The following RWDD4 variants were observed in gnomAD, a reference collection of about 807,000 sequenced individuals.
RWDD4 encodes RWD domain-containing protein 4.
RWDD4 carries 16 observed loss-of-function variants against 30.0 expected under a neutral mutation model. The ratio of observed to expected loss-of-function variants is 0.53; its 90% CI spans 0.36 to 0.81. The LOEUF (loss-of-function observed/expected upper bound fraction) is 0.81, where lower values mean the gene tolerates loss of function less well. Ranked by LOEUF, RWDD4 falls within the 30% of genes least tolerant of loss-of-function variation. The probability of loss-of-function intolerance (pLI) is 0.00; values close to 1 mark genes in which losing one functional copy is unlikely to be tolerated. For synonymous variants in RWDD4, 45 were observed against 72.1 expected (o/e 0.62, Z 1.90); for missense variants, 170 against 223.9 (o/e 0.76, Z 1.54).
intron 7 of RWDD4, among the ~76,000 whole-genome samples, chr4:183,643,218 G>C (rs1733899067): frequency 6.7e-6 from 1 of 148,242 alleles, no homozygotes; most frequent in African/African-American, 2.5e-5. Context: ...CTTGAGGTCA[G>C]GAGTTTGTGA....
At chr4:183,657,220 C>A (rs1734213087) in intron 1 of RWDD4, among the ~76,000 whole-genome samples, 2 of 152,142 alleles carry the variant, frequency 1.3e-5, no homozygotes, top group Admixed American at 6.5e-5. Flanking sequence ...CCAGGCTCCA[C>A]AGGTTTCTCT....
intron 7 of RWDD4, 50 bp from the exon 8 acceptor site, chr4:183,641,518 A>C: frequency 7.1e-7 from 1 of 1,416,710 alleles, no homozygotes; most frequent in Non-Finnish European, 9.9e-7. Context: ...TTCTGAGTTC[A>C]CTATTTCCAT....
chr4:183,651,704 A>T (rs1234901705), intron 2 of RWDD4, among the ~76,000 whole-genome samples: 1 of 152,210 alleles, frequency 6.6e-6, no homozygotes, highest in Non-Finnish European at 1.5e-5. Context: ...CACAAACTCG[A>T]CACACCTCAT....
At chr4:183,653,805 A>G (rs1184357807) in intron 2 of RWDD4, 1 of 152,274 alleles carries the variant, frequency 6.6e-6, no homozygotes, top group Non-Finnish European at 1.5e-5. Flanking sequence ...GGAATAAATT[A>G]TCACATGCCT....
intron 1 of RWDD4, among the ~76,000 whole-genome samples, chr4:183,657,454 T>C (rs976673465): frequency 6.6e-6 from 1 of 152,208 alleles, no homozygotes; most frequent in Non-Finnish European, 1.5e-5. Context: ...CAGTGAATAA[T>C]GCTGATGGCT....
chr4:183,643,688 G>A (rs574170220), intron 7 of RWDD4, among the ~76,000 whole-genome samples: 3 of 152,090 alleles, frequency 2.0e-5, no homozygotes, highest in East Asian at 1.9e-4. Context: ...AGGCCAAGGC[G>A]GGTGGATCAC....
intron 2 of RWDD4, among the ~76,000 whole-genome samples, chr4:183,652,303 G>A (rs1200798415): frequency 6.7e-6 from 1 of 150,180 alleles, no homozygotes; most frequent in Non-Finnish European, 1.5e-5. Context: ...GACTGCACGA[G>A]TTGTTATGCC....
intron 2 of RWDD4, 48 bp downstream of exon 2, chr4:183,655,833 G>T: frequency 1.8e-6 from 2 of 1,110,706 alleles, no homozygotes; most frequent in Non-Finnish European, 2.7e-6. Context: ...GCCACTTTCA[G>T]TCTTTTCTAG....
At chr4:183,646,276 C>T (rs1383739999) in intron 7 of RWDD4, 75 bp downstream of exon 7, 10 of 759,652 alleles carry the variant, frequency 1.3e-5, no homozygotes, top group East Asian at 2.4e-5. Flanking sequence ...TTTTCCATTA[C>T]TTAAAAAAAA....
chr4:183,649,412 CA>C (rs768772987), intron 5 of RWDD4, 38 bp downstream of exon 5: 141 of 1,367,414 alleles, frequency 1.0e-4, no homozygotes, highest in East Asian at 1.6e-4. Flanking sequence ...GAGACTCTGT[CA>C]AAAAAAAGAA....
chr4:183,652,384 A>T (rs1446116944), intron 2 of RWDD4, among the ~76,000 whole-genome samples: 2 of 85,510 alleles, frequency 2.3e-5, no homozygotes, highest in Non-Finnish European at 4.5e-5. Flanking sequence ...TTTTTGAGAC[A>T]GGGTCTCACT....
At chr4:183,654,456 C>A (rs1267495322) in intron 2 of RWDD4, among the ~76,000 whole-genome samples, 2 of 152,186 alleles carry the variant, frequency 1.3e-5, no homozygotes. Flanking sequence ...ACAGGAAGAA[C>A]TTTACCCCTG....
chr4:183,648,928 C>T (rs1034106183), intron 5 of RWDD4, among the ~76,000 whole-genome samples: 6 of 151,788 alleles, frequency 4.0e-5, no homozygotes, highest in East Asian at 1.9e-4. Flanking sequence ...CTTGCTGCAA[C>T]GGCTGCCTCC....
At position 183,647,966 on chromosome 4, in the gene RWDD4, C is replaced by T. The variant is rs1270904827; in HGVS notation, c.482-1429G>A. On this transcript the variant is annotated intron_variant, in intron 5 of 7. Transcript: ENST00000326397. ...GACATTTAAAAGGCCCTCACCAGGCCGGATGCGGTGGCTCAAGCCCGTAAT... is the reference window on the plus strand; with the variant it reads ...GACATTTAAAAGGCCCTCACCAGGCTGGATGCGGTGGCTCAAGCCCGTAAT... Among the ~76,000 whole-genome samples the T allele has an allele frequency of 1.1e-4, 16 of 151,608 alleles. 1 individual carries two copies. Among genetic ancestry groups the T allele is most frequent in the Admixed American group, 7.2e-4 (11 of 15,234 alleles).
intron 5 of RWDD4, 74 bp downstream of exon 5, chr4:183,649,377 G>A: frequency 3.3e-6 from 3 of 913,340 alleles, no homozygotes; most frequent in Non-Finnish European, 3.5e-6. Context: ...TCATGCCACT[G>A]CACTCCAGCC....
intron 1 of RWDD4, among the ~76,000 whole-genome samples, chr4:183,656,752 G>T (rs1293561656): frequency 3.3e-5 from 5 of 152,342 alleles, no homozygotes; most frequent in Middle Eastern, 3.4e-3. Flanking sequence ...TTGGCTGGGC[G>T]CGGTGGCTCA....
At chr4:183,658,867 CG>C in intron 1 of RWDD4, 61 bp downstream of exon 1, 4 of 1,219,904 alleles carry the variant, frequency 3.3e-6, no homozygotes, top group Non-Finnish European at 4.1e-6. Flanking sequence ...CCAGGTCTCA[CG>C]GGGGCCCGGG....
intron 1 of RWDD4, among the ~76,000 whole-genome samples, chr4:183,658,649 C>G (rs1326783452): frequency 6.6e-6 from 1 of 152,250 alleles, no homozygotes; most frequent in African/African-American, 2.4e-5. Flanking sequence ...GAGCCAAGAG[C>G]ACTGGATCGT....
chr4:183,645,850 A>T (rs2111233062), intron 7 of RWDD4, among the ~76,000 whole-genome samples: 1 of 152,296 alleles, frequency 6.6e-6, no homozygotes, highest in East Asian at 1.9e-4. Flanking sequence ...TTCAGTTTCC[A>T]TATATTGTTG....
Sources: gnomAD v4.1 joint callset for allele counts (sites outside exome capture counted in the v4.1 genomes callset) on GRCh38, gnomAD v4.1.1 for gene constraint, MANE v1.5 for transcripts, NCBI Gene and HGNC (gene_info 2026-07-23, HGNC 2026-07-21) for gene names.